CSE1L: variants seen among roughly 807,000 people sequenced by gnomAD.
The protein encoded by CSE1L is chromosome segregation 1 like.
A neutral mutation model predicts 120.4 loss-of-function variants in CSE1L; 24 were observed. The ratio of observed to expected loss-of-function variants is 0.20; its 90% confidence interval spans 0.14 to 0.28. The LOEUF (loss-of-function observed/expected upper bound fraction) is 0.28, where lower values mean the gene tolerates loss of function less well. Ranked by LOEUF, CSE1L falls within the 10% of genes least tolerant of loss-of-function variation. The pLI is 1.00. For missense variants in CSE1L, 830 were observed against 1,145.2 expected, an observed-to-expected ratio of 0.72 and a Z score of 3.97; for synonymous variants, 402 against 398.3, an observed-to-expected ratio of 1.01 and a Z score of -0.11.
chr20:49,050,560 G>A (rs1315813460), intron 1 of CSE1L, among the ~76,000 whole-genome samples: 2 of 151,038 alleles, frequency 1.3e-5, no homozygotes, highest in Non-Finnish European at 1.5e-5. Flanking sequence ...ATGCCACCAC[G>A]CCCGGCTAAT....
At chr20:49,083,935 C>A (rs2092033075) in intron 14 of CSE1L, 91 bp from the exon 15 acceptor site, 1 of 1,345,976 alleles carries the variant, frequency 7.4e-7, no homozygotes, top group Non-Finnish European at 1.0e-6. Flanking sequence ...GCAAATTGTT[C>A]TTTAAATCAA....
chr20:49,068,331 G>A (rs11906283), intron 6 of CSE1L, among the ~76,000 whole-genome samples: 24,610 of 152,148 alleles, frequency 0.16, 2,607 homozygotes, highest in Non-Finnish European at 0.24. Flanking sequence ...GCTCACGCCT[G>A]TAATCCCAGC....
In CSE1L at chr20:49,096,599, ATTAG is replaced by A. The variant is rs1358181509; in HGVS notation, c.*164_*167del. 3.2e-6 allele frequency: 2 copies of A among 633,692 alleles called. No homozygotes were observed. The highest frequency in any genetic ancestry group is 5.5e-6 in the Non-Finnish European group (2 of 363,038). The allele number at this position is 633,692 out of a possible 1,614,324, so 39.3% of individuals were successfully genotyped here. A position where few individuals can be genotyped will look rare whatever the true frequency, so the allele number is the denominator to read the frequency against. On this transcript the variant is annotated 3_prime_UTR_variant, in exon 25 of 25. Coordinates refer to ENST00000262982, the MANE Select transcript of CSE1L (RefSeq NM_001316.4). Reference sequence around the variant, plus strand: ...TTGCTTTAACCTGAACCTTGAGCAAATTAGTTGGTTTGTGTGATCATACAGTTAT... The same window carrying A: ...TTGCTTTAACCTGAACCTTGAGCAAATTGGTTTGTGTGATCATACAGTTAT...
intron 16 of CSE1L, among the ~76,000 whole-genome samples, chr20:49,086,242 T>C (rs1011314967): frequency 6.6e-6 from 1 of 152,168 alleles, no homozygotes; most frequent in Non-Finnish European, 1.5e-5. Flanking sequence ...AACTCCCTGA[T>C]CTTTTCAGTC....
At chr20:49,092,350 C>T (rs924367356) in intron 22 of CSE1L, among the ~76,000 whole-genome samples, 5 of 151,546 alleles carry the variant, frequency 3.3e-5, no homozygotes, top group African/African-American at 7.3e-5. Context: ...CTGAGGAGGG[C>T]GGATTTAGCT....
chr20:49,059,130 C>CAA (rs549095361), intron 2 of CSE1L, among the ~76,000 whole-genome samples: 13 of 77,342 alleles, frequency 1.7e-4, no homozygotes, highest in South Asian at 7.1e-4. Flanking sequence ...GACTCCGTCT[C>CAA]AAAAAAAAAA....
intron 8 of CSE1L, among the ~76,000 whole-genome samples, chr20:49,070,878 G>A (rs1328574754): frequency 6.6e-6 from 1 of 152,230 alleles, no homozygotes; most frequent in Non-Finnish European, 1.5e-5. Flanking sequence ...GGAGGGCAAG[G>A]CTGCAATGAG....
chr20:49,068,415 C>T (rs571905558), intron 6 of CSE1L, among the ~76,000 whole-genome samples: 2 of 151,914 alleles, frequency 1.3e-5, no homozygotes, highest in African/African-American at 4.8e-5. Flanking sequence ...GGTGAAACCC[C>T]GTCTCTACTA....
rs556913995 is a variant in CSE1L, at chr20:49,057,924, G to A, written c.-11-529G>A. Reference sequence around the variant, plus strand: ...TGGGATTACAGGCATGAGCCACCATGCCCGGCTTCAATTTTTTTGTAGTTT... The same window carrying A: ...TGGGATTACAGGCATGAGCCACCATACCCGGCTTCAATTTTTTTGTAGTTT... On this transcript the variant is annotated intron_variant, in intron 1 of 24. Coordinates refer to ENST00000262982, the MANE Select transcript of CSE1L (RefSeq NM_001316.4). Among the ~76,000 whole-genome samples, 21 of 151,944 alleles carry A rather than the reference G, an allele frequency of 1.4e-4. 1 individual carries two copies. In the South Asian group the frequency reaches 4.4e-3, roughly 32 times the overall value.
chr20:49,090,933 T>G lies in CSE1L; in HGVS notation c.2280-4T>G. On this transcript the variant is annotated splice_polypyrimidine_tract_variant and splice_region_variant and intron_variant, in intron 20 of 24. Coordinates refer to ENST00000262982, the MANE Select transcript of CSE1L (RefSeq NM_001316.4). The stretch of plus-strand genomic sequence containing the variant: ...TATATTGTTGATTTTTTTTAATTCT[T>G]TAGTGAATCAGTTGACCAATATAGG... 3 of 1,603,026 alleles carry G rather than the reference T, an allele frequency of 1.9e-6. No individual in the cohort carries two copies. The highest frequency in any genetic ancestry group is 1.1e-5 in the South Asian group (1 of 89,116).
In CSE1L at chr20:49,075,396, T is replaced by C. The variant is rs1213437318; in HGVS notation, c.1211T>C (p.Ile404Thr). ...TTTTTTGAGGGACCTGTGACAGGAA[T>C]CTTCTCTGGTTATGTTAATTCCATG... Reference protein sequence around the residue: ...CKFFEGPVTGIFSGYVNSMLQ... With the variant: ...CKFFEGPVTGTFSGYVNSMLQ... The change falls in exon 12 of 25, where the codon ATC becomes ACC. Residue 404 changes from isoleucine (I) to threonine (T), a missense_variant. By Grantham distance (89) the Ile-to-Thr change is moderately conservative. Transcript: ENST00000262982. 3 of 1,614,180 alleles carry C rather than the reference T, an allele frequency of 1.9e-6. No homozygotes were observed. The highest frequency in any genetic ancestry group is 2.5e-6 in the Non-Finnish European group (3 of 1,180,020).
At chr20:49,085,778 G>A (rs1375129436) in intron 16 of CSE1L, among the ~76,000 whole-genome samples, 1 of 151,596 alleles carries the variant, frequency 6.6e-6, no homozygotes, top group Non-Finnish European at 1.5e-5. Context: ...TGCCATATTG[G>A]CCAGGCTGGT....
chr20:49,093,908 A>ACT (rs1018346193), intron 22 of CSE1L, among the ~76,000 whole-genome samples: 8 of 149,988 alleles, frequency 5.3e-5, no homozygotes, highest in African/African-American at 2.0e-4. Context: ...CAAGAGCGAA[A>ACT]CTCCGTCTCA....
At chr20:49,086,083 C>G (rs1197674142) in intron 16 of CSE1L, among the ~76,000 whole-genome samples, 1 of 152,086 alleles carries the variant, frequency 6.6e-6, no homozygotes, top group Non-Finnish European at 1.5e-5. Flanking sequence ...GCAGCTGTAT[C>G]CATCCACAGG....
Position 49,066,305 on chromosome 20 carries a change from C to T in CSE1L, c.330+12C>T. On this transcript the variant is annotated intron_variant, in intron 4 of 24. Coordinates refer to ENST00000262982, the MANE Select transcript of CSE1L (RefSeq NM_001316.4). ...AAATTCAGAAGCAGGTAATGTCGCT[C>T]CACTTTTTAGATGGGCTCCTCTGTA... The T allele has an allele frequency of 1.2e-6, 2 of 1,614,094 alleles. No individual in the cohort carries two copies. Among genetic ancestry groups the T allele is most frequent in the Non-Finnish European group, 1.7e-6 (2 of 1,179,990 alleles).
At position 49,075,520 on chromosome 20, in the gene CSE1L, G is replaced by A. The variant is rs1184394006; in HGVS notation, c.1335G>A (p.Lys445=). ...TSLASKAQTQ[K]HGITQANELV... is the part of the protein sequence containing the mutation. ...TGGCATCAAAAGCCCAAACACAGAAGGTAAATATTTTTAATGTGGTTTTGT... is the reference window on the plus strand; with the variant it reads ...TGGCATCAAAAGCCCAAACACAGAAAGTAAATATTTTTAATGTGGTTTTGT... The change falls in exon 12 of 25, where the codon AAG becomes AAA. Residue 445 remains lysine, a splice_region_variant and synonymous_variant. Transcript: ENST00000262982. 4 of 1,612,840 alleles carry A rather than the reference G, an allele frequency of 2.5e-6. No individual in the cohort carries two copies. The highest frequency in any genetic ancestry group is 1.7e-4 in the Middle Eastern group (1 of 6,060).
intron 7 of CSE1L, among the ~76,000 whole-genome samples, chr20:49,069,569 T>A (rs1388543918): frequency 6.6e-6 from 1 of 151,762 alleles, no homozygotes; most frequent in East Asian, 1.9e-4. Flanking sequence ...TTGGGTTGTT[T>A]TAGCTAGAAT....
intron 7 of CSE1L, among the ~76,000 whole-genome samples, chr20:49,069,642 A>G (rs2091917776): frequency 1.3e-5 from 2 of 152,212 alleles, no homozygotes; most frequent in South Asian, 4.1e-4. Flanking sequence ...GCAGTTTGAG[A>G]AGTTCTTACT....
At chr20:49,076,386 A>G (rs557914531) in intron 12 of CSE1L, among the ~76,000 whole-genome samples, 9 of 151,812 alleles carry the variant, frequency 5.9e-5, no homozygotes, top group Middle Eastern at 3.4e-3. Context: ...GGGTTTCTCC[A>G]TGTTGGTCAG....
Sources: allele counts gnomAD v4.1 joint callset (sites outside exome capture counted in the v4.1 genomes callset), GRCh38; gene constraint gnomAD v4.1.1; transcripts MANE v1.5; gene names NCBI Gene and HGNC (gene_info 2026-07-23, HGNC 2026-07-21).